Variants in DUOX2 observed in about 807,000 individuals in gnomAD.
The protein encoded by DUOX2 is NADH/NADPH thyroid oxidase p138-tox.
DUOX2 carries 185 observed loss-of-function variants against 183.3 expected under a neutral mutation model. The ratio of observed to expected loss-of-function variants is 1.01; its 90% CI spans 0.90 to 1.14. The LOEUF (loss-of-function observed/expected upper bound fraction) is 1.14, where lower values mean the gene tolerates loss of function less well. Ranked by LOEUF, DUOX2 falls within the 50% of genes most tolerant of loss-of-function variation. DUOX2 has a pLI of 0.00. For missense variants in DUOX2, 1,999 were observed against 2,022.9 expected (o/e 0.99, Z 0.23); for synonymous variants, 788 against 812.4 (o/e 0.97, Z 0.51).
In DUOX2 at chr15:45,095,605, GA is replaced by G. The variant is rs1390653273; in HGVS notation, c.4081-11del. 6.2e-7 allele frequency: 1 copy of G among 1,614,088 alleles called. No homozygotes were observed. Among genetic ancestry groups the G allele is most frequent in the African/African-American group, 1.3e-5 (1 of 74,934 alleles). ...GTCCATCAAGGTACAGCTGCCAAGA[GA>G]GGGGGGAGATGAAATGAGCCTGACC... On this transcript the variant is annotated splice_polypyrimidine_tract_variant and intron_variant, in intron 30 of 33. Transcript: ENST00000389039.
chr15:45,112,809 A>T, intron 3 of DUOX2, 91 bp from the exon 4 acceptor site: 1 of 1,585,484 alleles, frequency 6.3e-7, no homozygotes, highest in Non-Finnish European at 8.6e-7. Flanking sequence ...CCCCCATCCC[A>T]CTTCACTGAC....
At chr15:45,103,292 C>T (rs1390752791) in intron 20 of DUOX2, among the ~76,000 whole-genome samples, 1 of 152,198 alleles carries the variant, frequency 6.6e-6, no homozygotes, top group Admixed American at 6.5e-5. Flanking sequence ...TTCATTTTGT[C>T]TTACTCAGTT....
rs374795161 is a variant in DUOX2 at position 45,095,921 on chromosome 15, G to A, written c.3987C>T (p.Leu1329=). 4.3e-5 allele frequency: 69 copies of A among 1,613,916 alleles called. No individual in the cohort carries two copies. The highest frequency in any genetic ancestry group is 5.6e-5 in the Non-Finnish European group (66 of 1,179,998). The change falls in exon 30 of 34, where the codon CTC becomes CTT. Residue 1329 remains leucine (L), a synonymous_variant. Coordinates refer to ENST00000389039, the MANE Select transcript of DUOX2 (RefSeq NM_001363711.2). ...GCCCCACTGCCCGGATGTGCAGGCT[G>A]AGTGTGTCCTCATGGGGCGCGGAGG... ...TLTSAPHEDT[L]SLHIRAVGPW... is the part of the protein sequence containing the mutation.
intron 28 of DUOX2, 79 bp from the exon 29 acceptor site, chr15:45,097,470 C>G: frequency 6.2e-7 from 1 of 1,612,806 alleles, no homozygotes; most frequent in Non-Finnish European, 8.5e-7. Context: ...GGCACTAGGC[C>G]TGTGCCGGGG....
At chr15:45,112,923 G>A (rs1894486011) in intron 3 of DUOX2, 64 bp downstream of exon 3, 6 of 1,587,350 alleles carry the variant, frequency 3.8e-6, no homozygotes, top group Non-Finnish European at 4.3e-6. Flanking sequence ...CCCCGCTCAG[G>A]GCCTTTCGCG....
intron 29 of DUOX2, 109 bp downstream of exon 29, chr15:45,097,129 A>T: frequency 2.0e-6 from 3 of 1,528,374 alleles, no homozygotes; most frequent in Non-Finnish European, 9.0e-7. Context: ...TTGTTTTTGG[A>T]GACAGAGTCA....
At position 45,097,897 on chromosome 15, in the gene DUOX2, C is replaced by T. The variant is rs779001862; in HGVS notation, c.3565+112G>A. ...GGAGGGATTTGAGCTGGGGCTTGTC[C>T]TGAAGGCTAGAAACAGACCCCATGG... On this transcript the variant is annotated intron_variant, in intron 27 of 33. Coordinates refer to ENST00000389039, the MANE Select transcript of DUOX2 (RefSeq NM_001363711.2). The T allele has an allele frequency of 1.7e-5, 27 of 1,549,540 alleles. No homozygotes were observed. In the Admixed American group the frequency reaches 3.5e-4, roughly 20 times the overall value.
chr15:45,106,296 G>T lies in DUOX2; in HGVS notation c.1977C>A (p.Ser659Arg), dbSNP rs943708613. 2.2e-5 allele frequency: 35 copies of T among 1,613,978 alleles called. No homozygotes were observed. Among genetic ancestry groups the T allele is most frequent in the Non-Finnish European group, 2.7e-5 (32 of 1,180,034 alleles). ...ACAGCAGCTGGATGATGATGGGACT[G>T]CTCCTCTCCTTGGGGCCTGGCCACT... ...AMEWPGPKER[S>R]SPIIIQLLSD... is the part of the protein sequence containing the mutation. The change falls in exon 17 of 34, where the codon AGC becomes AGA. Residue 659 changes from serine (S) to arginine (R), a missense_variant. This residue lies in a region of DUOX2 where 1,628 missense variants were observed against 1,608.6 expected (regional missense o/e 1.01). Transcript: ENST00000389039.
In DUOX2 at chr15:45,094,989, G is replaced by A. The variant is rs1893863172; in HGVS notation, c.4342C>T (p.His1448Tyr). The A allele has an allele frequency of 1.2e-6, 2 of 1,614,206 alleles. No homozygotes were observed. The highest frequency in any genetic ancestry group is 1.1e-5 in the South Asian group (1 of 91,076). ...ENDHQDLVSV[H>Y]IYVTQLAEKF... is the part of the protein sequence containing the mutation. Reference sequence around the variant, plus strand: ...TCAGCCAGCTGGGTGACATAAATGTGCACAGACACCAGGTCCTGGTGGTCG... The same window carrying A: ...TCAGCCAGCTGGGTGACATAAATGTACACAGACACCAGGTCCTGGTGGTCG... The change falls in exon 32 of 34, where the codon CAC (histidine) becomes TAC (tyrosine). Residue 1448 changes from histidine to tyrosine, a missense_variant. Physicochemically the swap from His to Tyr is moderately conservative, Grantham distance 83. Transcript: ENST00000389039.
In DUOX2 at chr15:45,106,550, T is replaced by G. The variant is rs759558827; in HGVS notation, c.1923A>C (p.Glu641Asp). 1.9e-6 allele frequency: 3 copies of G among 1,614,174 alleles called. No individual in the cohort carries two copies. The highest frequency in any genetic ancestry group is 2.5e-6 in the Non-Finnish European group (3 of 1,180,032). The change falls in exon 16 of 34, where the codon GAA (glutamate) becomes GAC (aspartate). Residue 641 changes from glutamate (E) to aspartate (D), a missense_variant. By Grantham distance (45) the Glu-to-Asp change is conservative. Transcript: ENST00000389039. ...QKKLKESVKK[E>D]AAKDGVPAME... Reference sequence around the variant, plus strand: ...CACCTGGCACTCCATCTTTGGCTGCTTCCTTCTTCACGCTCTCTTTGAGTT... The same window carrying G: ...CACCTGGCACTCCATCTTTGGCTGCGTCCTTCTTCACGCTCTCTTTGAGTT...
rs1227915814 is a variant in DUOX2 at position 45,111,005 on chromosome 15, G to A, written c.882+106C>T. Reference sequence around the variant, plus strand: ...CTAGACCTCGGCTGTCTGGGGAGGGGTTTCTGGGTGGCGGTTGTCCACAGA... The same window carrying A: ...CTAGACCTCGGCTGTCTGGGGAGGGATTTCTGGGTGGCGGTTGTCCACAGA... On this transcript the variant is annotated intron_variant, in intron 7 of 33. Transcript: ENST00000389039. The A allele has an allele frequency of 2.7e-5, 37 of 1,385,154 alleles. 1 individual carries two copies. Among genetic ancestry groups the A allele is most frequent in the Non-Finnish European group, 3.6e-5 (36 of 1,006,606 alleles). The allele number at this position is 1,385,154 out of a possible 1,614,324, so 85.8% of individuals were successfully genotyped here. A position where few individuals can be genotyped will look rare whatever the true frequency, so the allele number is the denominator to read the frequency against.
rs1893812943 is a variant in DUOX2, at chr15:45,093,510, T to G, written c.*640A>C. The G allele has an allele frequency of 6.5e-6, 1 of 153,086 alleles. No homozygotes were observed. The highest frequency in any genetic ancestry group is 6.5e-5 in the Admixed American group (1 of 15,412). The allele number at this position is 153,086 out of a possible 1,614,324, so 9.5% of individuals were successfully genotyped here. Reference sequence around the variant, plus strand: ...CGGGAAGGGGTAGAAGTAGGGCTGCTCCTTTTGGAGCTGGAGGGAATAGAC... The same window carrying G: ...CGGGAAGGGGTAGAAGTAGGGCTGCGCCTTTTGGAGCTGGAGGGAATAGAC... On this transcript the variant is annotated 3_prime_UTR_variant, in exon 34 of 34. Coordinates refer to ENST00000389039, the MANE Select transcript of DUOX2 (RefSeq NM_001363711.2).
Position 45,111,268 on chromosome 15 carries a change from G to T in DUOX2, c.725C>A (p.Ala242Glu). ...NGPRGLYAFG[A>E]ERGNREPFLQ... ...GAAGGGTTCCCGGTTCCCTCTCTCT[G>T]CCCCGAAGGCTGCATCCGACGTGGG... Residue 242 changes from alanine (A) to glutamate (E), a missense_variant, in exon 7 of 34, where the codon GCA (alanine) becomes GAA (glutamate). Ala to Glu is a moderately radical substitution (Grantham distance 107). Coordinates refer to ENST00000389039, the MANE Select transcript of DUOX2 (RefSeq NM_001363711.2). 7.3e-7 allele frequency: 1 copy of T among 1,364,114 alleles called. No individual in the cohort carries two copies. Among genetic ancestry groups the T allele is most frequent in the South Asian group, 1.5e-5 (1 of 68,470 alleles). The allele number at this position is 1,364,114 out of a possible 1,614,324, so 84.5% of individuals were successfully genotyped here. A position where few individuals can be genotyped will look rare whatever the true frequency, so the allele number is the denominator to read the frequency against.
At position 45,107,468 on chromosome 15, in the gene DUOX2, G is replaced by C; in HGVS notation, c.1575-5C>G. On this transcript the variant is annotated splice_region_variant and splice_polypyrimidine_tract_variant and intron_variant, in intron 13 of 33. Coordinates refer to ENST00000389039, the MANE Select transcript of DUOX2 (RefSeq NM_001363711.2). ...ATCTCCTTCTTGGAGAACAGCCTAA[G>C]TTGGAGGAAGTAGAAGTCACTGGGA... The C allele has an allele frequency of 6.2e-7, 1 of 1,614,046 alleles. No homozygotes were observed.
In DUOX2 at chr15:45,109,637, A is replaced by T; in HGVS notation, c.1132-11T>A. On this transcript the variant is annotated splice_polypyrimidine_tract_variant and intron_variant, in intron 10 of 33. Coordinates refer to ENST00000389039, the MANE Select transcript of DUOX2 (RefSeq NM_001363711.2). ...GTTCAGATTGGGGTTCTGGAAGTAA[A>T]CAATGCACTCAAGATAGGCCTCTAC... The T allele has an allele frequency of 6.2e-7, 1 of 1,613,730 alleles. No homozygotes were observed. The highest frequency in any genetic ancestry group is 8.5e-7 in the Non-Finnish European group (1 of 1,179,666).
In DUOX2 at chr15:45,094,973, TG is replaced by T. The variant is rs796848242; in HGVS notation, c.4357del (p.Gln1453SerfsTer24). ...DLVSVHIYVTQLAEKFDLRTT... is the reference protein window; with the variant it reads ...DLVSVHIYVTXLAEKFDLRTT... ...CCTGAGGTCGAACTTCTCAGCCAGC[TG>T]GGTGACATAAATGTGCACAGACACC... On this transcript the variant is annotated frameshift_variant, in exon 32 of 34. Coordinates refer to ENST00000389039, the MANE Select transcript of DUOX2 (RefSeq NM_001363711.2). LOFTEE classifies it high-confidence loss of function. 6.2e-7 allele frequency: 1 copy of T among 1,614,168 alleles called. No homozygotes were observed. The highest frequency in any genetic ancestry group is 8.5e-7 in the Non-Finnish European group (1 of 1,180,006).
At chr15:45,112,452 A>T in intron 4 of DUOX2, 102 bp downstream of exon 4, 1 of 1,445,876 alleles carries the variant, frequency 6.9e-7, no homozygotes, top group South Asian at 1.2e-5. Flanking sequence ...AGTGGTTGGG[A>T]GTCGGATGGG....
rs374000533 is a variant in DUOX2 at position 45,113,359 on chromosome 15, C to A, written c.53G>T (p.Gly18Val). 1.3e-6 allele frequency: 2 copies of A among 1,565,272 alleles called. No individual in the cohort carries two copies. Among genetic ancestry groups the A allele is most frequent in the African/African-American group, 1.4e-5 (1 of 73,780 alleles). Residue 18 changes from glycine (G) to valine (V), a missense_variant, in exon 2 of 34, where the codon GGA becomes GTA. Physicochemically the swap from Gly to Val is moderately radical, Grantham distance 109. This residue lies in a region of DUOX2 where 356 missense variants were observed against 356.4 expected (regional missense o/e 1.00). Transcript: ENST00000389039. ...ALMLLGALLT[G>V]SLGPSGSQDA... Reference sequence around the variant, plus strand: ...ATACTTGCCCGATGGACCCAGGGATCCAGTCAGAAGAGCTCCCAGGAGCAT... The same window carrying A: ...ATACTTGCCCGATGGACCCAGGGATACAGTCAGAAGAGCTCCCAGGAGCAT...
intron 27 of DUOX2, 69 bp downstream of exon 27, chr15:45,097,940 G>A: frequency 1.9e-6 from 3 of 1,555,626 alleles, no homozygotes; most frequent in African/African-American, 2.7e-5. Context: ...AGACAAGTGA[G>A]TATTCACAGA....
Sources: allele counts gnomAD v4.1 joint callset (sites outside exome capture counted in the v4.1 genomes callset), GRCh38; gene constraint gnomAD v4.1.1; regional missense constraint gnomAD v4.1.1; transcripts MANE v1.5; gene names NCBI Gene and HGNC (gene_info 2026-07-23, HGNC 2026-07-21).